Variants in CNTN6 observed in about 807,000 individuals in gnomAD.
CNTN6 encodes the protein contactin 6.
CNTN6 carries 137 observed loss-of-function variants against 122.8 expected under a neutral mutation model. The observed-to-expected ratio is 1.12, with a 90% CI of 0.97 to 1.29. CNTN6 has a LOEUF of 1.29. Among genes scored for constraint, CNTN6 ranks in the 50% most tolerant of loss-of-function variants. The pLI, the probability that CNTN6 is intolerant of heterozygous loss-of-function variation, is 0.00. For missense variants in CNTN6, 1,634 were observed against 1,223.4 expected, an observed-to-expected ratio of 1.34 and a Z score of -5.01; for synonymous variants, 570 against 426.0, an observed-to-expected ratio of 1.34 and a Z score of -4.16.
At chr3:1,160,860 C>T (rs1324051631) in intron 2 of CNTN6, among the ~76,000 whole-genome samples, 1 of 151,954 alleles carries the variant, frequency 6.6e-6, no homozygotes, top group Non-Finnish European at 1.5e-5. Flanking sequence ...ATTTTGTAAG[C>T]AAGTCGTTTA....
chr3:1,238,310 T>C (rs1476426655), intron 4 of CNTN6, among the ~76,000 whole-genome samples: 3 of 152,052 alleles, frequency 2.0e-5, no homozygotes, highest in African/African-American at 7.2e-5. Flanking sequence ...AGACAAAACA[T>C]ACTTCAAAGC....
chr3:1,224,456 A>G (rs1191142040), intron 3 of CNTN6, among the ~76,000 whole-genome samples: 2 of 152,164 alleles, frequency 1.3e-5, no homozygotes, highest in African/African-American at 2.4e-5. Context: ...TAGATTTTTG[A>G]GGTAATGAAT....
intron 2 of CNTN6, among the ~76,000 whole-genome samples, chr3:1,174,445 A>G (rs1011507839): frequency 2.0e-5 from 3 of 152,176 alleles, no homozygotes; most frequent in African/African-American, 4.8e-5. Context: ...TTTTAGCAGC[A>G]TCTCATGGAA....
chr3:1,358,238 A>G (rs1706901934), intron 12 of CNTN6, among the ~76,000 whole-genome samples: 1 of 151,982 alleles, frequency 6.6e-6, no homozygotes, highest in South Asian at 2.1e-4. Flanking sequence ...ACATGTATGT[A>G]TATATAAATC....
rs368264892 is a variant in CNTN6 at position 1,227,856 on chromosome 3, G to A, written c.221G>A (p.Ser74Asn). 1.9e-6 allele frequency: 3 copies of A among 1,613,786 alleles called. No individual in the cohort carries two copies. The highest frequency in any genetic ancestry group is 2.5e-6 in the Non-Finnish European group (3 of 1,179,946). The change falls in exon 4 of 23, where the codon AGT becomes AAT. Residue 74 changes from serine (S) to asparagine (N), a missense_variant. Transcript: ENST00000446702. ...QNGTDIDFTM[S>N]YHYRLDGGSL... ...GGCACAGACATTGATTTTACTATGA[G>A]TTATCACTACAGGTTGGATGGAGGC...
Position 1,372,348 on chromosome 3 carries a change from C to G in CNTN6, c.1542C>G (p.Gly514=), listed in dbSNP as rs138661122. 1 of 1,611,704 alleles carries G rather than the reference C, an allele frequency of 6.2e-7. No individual in the cohort carries two copies. Among genetic ancestry groups the G allele is most frequent in the African/African-American group, 1.3e-5 (1 of 74,702 alleles). ...VPPSKMDVTV[G]ESIVLPCQVS... is the part of the protein sequence containing the mutation. ...CTTCCAAAATGGATGTTACAGTTGG[C>G]GAGAGTATAGTGCTACCATGCCAGG... The change falls in exon 13 of 23, where the codon GGC becomes GGG. Residue 514 remains glycine, a synonymous_variant. Coordinates refer to ENST00000446702, the MANE Select transcript of CNTN6 (RefSeq NM_001289080.2).
chr3:1,180,016 G>C (rs2093524184), intron 2 of CNTN6, among the ~76,000 whole-genome samples: 1 of 152,142 alleles, frequency 6.6e-6, no homozygotes, highest in South Asian at 2.1e-4. Flanking sequence ...TGCAATCACA[G>C]CTCTCTGACT....
At chr3:1,344,066 C>G (rs774733431) in intron 11 of CNTN6, among the ~76,000 whole-genome samples, 1 of 152,034 alleles carries the variant, frequency 6.6e-6, no homozygotes, top group Non-Finnish European at 1.5e-5. Flanking sequence ...ATCGGGGCTG[C>G]GGTTAAGTTA....
intron 11 of CNTN6, 125 bp from the exon 12 acceptor site, chr3:1,352,199 A>G: frequency 1.3e-6 from 1 of 793,410 alleles, no homozygotes; most frequent in Non-Finnish European, 1.8e-6. Flanking sequence ...AATAATAGGA[A>G]AGGAAAAAAT....
At chr3:1,164,777 T>G (rs1330182922) in intron 2 of CNTN6, among the ~76,000 whole-genome samples, 1 of 152,192 alleles carries the variant, frequency 6.6e-6, no homozygotes, top group Admixed American at 6.5e-5. Flanking sequence ...TCCAAACCCC[T>G]TTTGAACCTT....
At chr3:1,310,438 A>G (rs1177376402) in intron 7 of CNTN6, among the ~76,000 whole-genome samples, 2 of 152,146 alleles carry the variant, frequency 1.3e-5, no homozygotes, top group African/African-American at 4.8e-5. Context: ...ATATTGAACC[A>G]TCAGTCCTGC....
At chr3:1,251,859 G>A (rs1271146576) in intron 4 of CNTN6, among the ~76,000 whole-genome samples, 1 of 152,030 alleles carries the variant, frequency 6.6e-6, no homozygotes, top group African/African-American at 2.4e-5. Context: ...GTTATAAACT[G>A]CTTGATACTT....
intron 1 of CNTN6, among the ~76,000 whole-genome samples, chr3:1,107,849 G>A (rs1040784753): frequency 2.0e-5 from 3 of 151,996 alleles, no homozygotes; most frequent in African/African-American, 7.2e-5. Flanking sequence ...TTGCAAAGAG[G>A]TTACTGAAAG....
chr3:1,320,727 T>C (rs986825424), intron 7 of CNTN6, among the ~76,000 whole-genome samples: 8 of 151,784 alleles, frequency 5.3e-5, no homozygotes, highest in Non-Finnish European at 1.0e-4. Flanking sequence ...TTCATTAGTT[T>C]AGTAGTGAAT....
At chr3:1,293,243 A>G (rs893289481) in intron 5 of CNTN6, among the ~76,000 whole-genome samples, 19 of 151,324 alleles carry the variant, frequency 1.3e-4, no homozygotes, top group African/African-American at 4.6e-4. Context: ...CCTTCCTTCC[A>G]CATTTTCTTT....
intron 19 of CNTN6, among the ~76,000 whole-genome samples, chr3:1,384,816 T>C (rs28484744): frequency 0.32 from 45,529 of 141,480 alleles, 7,811 homozygotes; most frequent in African/African-American, 0.41. Context: ...CACACACATA[T>C]ATATATATAT....
At chr3:1,139,240 A>ACT (rs2092555486) in intron 1 of CNTN6, among the ~76,000 whole-genome samples, 1 of 152,176 alleles carries the variant, frequency 6.6e-6, no homozygotes, top group Non-Finnish European at 1.5e-5. Context: ...TTTACAGAAA[A>ACT]GATTTCCCAA....
At chr3:1,199,585 A>AG (rs2125419297) in intron 2 of CNTN6, among the ~76,000 whole-genome samples, 1 of 152,304 alleles carries the variant, frequency 6.6e-6, no homozygotes, top group East Asian at 1.9e-4. Flanking sequence ...ATGTAAAAAA[A>AG]AATGCCATGA....
chr3:1,375,689 G>A (rs920457311), intron 16 of CNTN6, among the ~76,000 whole-genome samples: 5 of 151,980 alleles, frequency 3.3e-5, no homozygotes, highest in Non-Finnish European at 7.4e-5. Context: ...CATCGCTTTT[G>A]ATCAAAGGCA....
Sources: gnomAD v4.1 joint callset for allele counts (sites outside exome capture counted in the v4.1 genomes callset) on GRCh38, gnomAD v4.1.1 for gene constraint, MANE v1.5 for transcripts, NCBI Gene and HGNC (gene_info 2026-07-23, HGNC 2026-07-21) for gene names.